Variants in CSMD1 observed in about 807,000 individuals in gnomAD.
CSMD1 encodes the protein CUB and Sushi multiple domains 1, also known as CUB and sushi domain-containing protein 1.
CSMD1 carries 213 observed loss-of-function variants against 417.5 expected under a neutral mutation model. The observed-to-expected ratio is 0.51, with a 90% CI of 0.46 to 0.57. CSMD1 has a LOEUF of 0.57. Ranked by LOEUF, CSMD1 falls within the 20% of genes least tolerant of loss-of-function variation. CSMD1 has a pLI of 0.00. For synonymous variants in CSMD1, 2,862 were observed against 1,736.8 expected (o/e 1.65, Z -16.11); for missense variants, 6,923 against 4,529.7 (o/e 1.53, Z -15.17).
intron 1 of CSMD1, among the ~76,000 whole-genome samples, chr8:4,771,332 A>G (rs555843801): frequency 1.1e-4 from 16 of 152,360 alleles, no homozygotes; most frequent in Non-Finnish European, 1.9e-4. Flanking sequence ...CTGACAATAA[A>G]TAAGTCGATT....
chr8:4,117,417 G>T (rs1356070679), intron 3 of CSMD1, among the ~76,000 whole-genome samples: 1 of 152,000 alleles, frequency 6.6e-6, no homozygotes, highest in African/African-American at 2.4e-5. Flanking sequence ...CCTGCCGCAA[G>T]GTAAATACAA....
intron 18 of CSMD1, among the ~76,000 whole-genome samples, chr8:3,374,415 T>C (rs576592223): frequency 1.3e-5 from 2 of 152,304 alleles, no homozygotes; most frequent in South Asian, 4.1e-4. Flanking sequence ...GACAGAAAAG[T>C]CCCTGTTTTT....
chr8:4,453,852 C>T lies in CSMD1; in HGVS notation c.303-33787G>A, dbSNP rs529593425. Among the ~76,000 whole-genome samples, 379 of 115,592 alleles carry T rather than the reference C, an allele frequency of 3.3e-3. 2 individuals are homozygous for T. Among genetic ancestry groups the T allele is most frequent in the African/African-American group, 0.012 (357 of 30,404 alleles). The allele number at this position is 115,592 out of a possible 152,430, so 75.8% of individuals were successfully genotyped here. A position where few individuals can be genotyped will look rare whatever the true frequency, so the allele number is the denominator to read the frequency against. On this transcript the variant is annotated intron_variant, in intron 2 of 69. Coordinates refer to ENST00000635120, the MANE Select transcript of CSMD1 (RefSeq NM_033225.6). Reference sequence around the variant, plus strand: ...TTTTTTTTTTTTTGAGACAGAGTCTCACTCTGTCACCCACGCTGGAGTGCA... The same window carrying T: ...TTTTTTTTTTTTTGAGACAGAGTCTTACTCTGTCACCCACGCTGGAGTGCA...
intron 37 of CSMD1, among the ~76,000 whole-genome samples, chr8:3,162,717 C>CA (rs568427997): frequency 0.019 from 2,480 of 130,314 alleles, 73 homozygotes; most frequent in African/African-American, 0.053. Context: ...TGTTCTTCTA[C>CA]AAAAAAAAAA....
chr8:3,300,764 C>T (rs1482120339), intron 25 of CSMD1, among the ~76,000 whole-genome samples: 1 of 151,720 alleles, frequency 6.6e-6, no homozygotes, highest in Non-Finnish European at 1.5e-5. Context: ...TGAGACTAGC[C>T]TGGCAACAGG....
intron 2 of CSMD1, among the ~76,000 whole-genome samples, chr8:4,613,663 C>CA (rs1373443550): frequency 8.6e-5 from 13 of 151,790 alleles, no homozygotes; most frequent in African/African-American, 3.1e-4. Context: ...GAATTATATG[C>CA]AAAAAATGTC....
chr8:3,712,311 C>G (rs141439988), intron 6 of CSMD1, among the ~76,000 whole-genome samples: 153 of 152,164 alleles, frequency 1.0e-3, no homozygotes, highest in East Asian at 9.1e-3. Flanking sequence ...ACACCCTTCC[C>G]TCGCCTCTTC....
At chr8:4,372,722 C>G (rs558391646) in intron 3 of CSMD1, among the ~76,000 whole-genome samples, 2 of 146,176 alleles carry the variant, frequency 1.4e-5, no homozygotes, top group African/African-American at 2.6e-5. Flanking sequence ...TCTCACTGTC[C>G]AAACCTAGAA....
At chr8:3,506,692 G>T (rs976690113) in intron 10 of CSMD1, among the ~76,000 whole-genome samples, 5 of 152,122 alleles carry the variant, frequency 3.3e-5, no homozygotes, top group African/African-American at 1.2e-4. Flanking sequence ...CGAATTTGGG[G>T]TGTCATGAAG....
intron 1 of CSMD1, among the ~76,000 whole-genome samples, chr8:4,819,773 G>T (rs918776639): frequency 6.6e-6 from 1 of 152,010 alleles, no homozygotes; most frequent in Non-Finnish European, 1.5e-5. Flanking sequence ...GCTTTTCCAT[G>T]AAACAGGAGT....
In CSMD1 at chr8:4,934,548, C is replaced by G. The variant is rs66508847; in HGVS notation, c.85+59784G>C. Among the ~76,000 whole-genome samples the G allele has an allele frequency of 6.0e-4, 91 of 151,962 alleles. 2 individuals carry two copies. The highest frequency in any genetic ancestry group is 1.7e-3 in the African/African-American group (69 of 41,448). ...AGCTGACTTAAGTTGCTACTAGGAA[C>G]GAGATGGAGACTGCAACATGGACAA... On this transcript the variant is annotated intron_variant, in intron 1 of 69. Transcript: ENST00000635120.
Position 3,237,233 on chromosome 8 carries a change from C to T in CSMD1, c.4154-7002G>A, listed in dbSNP as rs572115629. On this transcript the variant is annotated intron_variant, in intron 26 of 69. Coordinates refer to ENST00000635120, the MANE Select transcript of CSMD1 (RefSeq NM_033225.6). Reference sequence around the variant, plus strand: ...CTGCAATCCTAGCACTTTGGGAGGCCGAGGCGAGTGGATCAAAAGGTCAGC... The same window carrying T: ...CTGCAATCCTAGCACTTTGGGAGGCTGAGGCGAGTGGATCAAAAGGTCAGC... 4.0e-4 allele frequency among the ~76,000 whole-genome samples: 53 copies of T among 133,060 alleles called. No homozygotes were observed. The South Asian group carries it at 0.012, about 31-fold the overall frequency. 87.3% of individuals were successfully genotyped at this position (133,060 alleles called of 152,430 possible). A position where few individuals can be genotyped will look rare whatever the true frequency, so the allele number is the denominator to read the frequency against.
intron 1 of CSMD1, among the ~76,000 whole-genome samples, chr8:4,658,332 T>C (rs558627041): frequency 9.2e-5 from 14 of 152,178 alleles, no homozygotes; most frequent in African/African-American, 3.4e-4. Flanking sequence ...AAAACAAAGA[T>C]TGAATTTTAA....
chr8:4,055,852 T>A (rs1358319882), intron 3 of CSMD1, among the ~76,000 whole-genome samples: 1 of 152,134 alleles, frequency 6.6e-6, no homozygotes, highest in Admixed American at 6.6e-5. Flanking sequence ...TTTTTTACTA[T>A]GCCAGCTTAT....
chr8:4,104,744 G>A (rs368234043), intron 3 of CSMD1, among the ~76,000 whole-genome samples: 6 of 152,280 alleles, frequency 3.9e-5, no homozygotes, highest in African/African-American at 1.4e-4. Flanking sequence ...CAGAGCCCGG[G>A]GAAAAGCACA....
intron 3 of CSMD1, among the ~76,000 whole-genome samples, chr8:4,373,040 T>C (rs1802493597): frequency 6.6e-6 from 1 of 152,158 alleles, no homozygotes; most frequent in Non-Finnish European, 1.5e-5. Flanking sequence ...GCTCACAGTG[T>C]ATAACCCTGA....
intron 2 of CSMD1, among the ~76,000 whole-genome samples, chr8:4,485,676 A>G (rs1463116474): frequency 6.6e-6 from 1 of 152,142 alleles, no homozygotes; most frequent in East Asian, 1.9e-4. Flanking sequence ...AGGCTGACCA[A>G]AATCAAGCTG....
chr8:4,544,140 G>C (rs1797534070), intron 2 of CSMD1, among the ~76,000 whole-genome samples: 1 of 152,024 alleles, frequency 6.6e-6, no homozygotes, highest in Non-Finnish European at 1.5e-5. Flanking sequence ...CAACTTAAAT[G>C]ATTTTTTCAT....
intron 10 of CSMD1, among the ~76,000 whole-genome samples, chr8:3,500,638 T>C (rs753967947): frequency 6.6e-6 from 1 of 152,108 alleles, no homozygotes; most frequent in Non-Finnish European, 1.5e-5. Context: ...GAAAAATCCA[T>C]AAAACTAAAG....
Sources: gnomAD v4.1 joint callset for allele counts (sites outside exome capture counted in the v4.1 genomes callset) on GRCh38, gnomAD v4.1.1 for gene constraint, MANE v1.5 for transcripts, NCBI Gene and HGNC (gene_info 2026-07-23, HGNC 2026-07-21) for gene names.